Variants in ZNF804B observed in about 807,000 individuals in gnomAD.
The protein encoded by ZNF804B is zinc finger protein 804B.
In ZNF804B, 80 loss-of-function variants were observed where a neutral mutation model predicts 101.4. The observed-to-expected ratio is 0.79, with a 90% CI of 0.66 to 0.95. The LOEUF (loss-of-function observed/expected upper bound fraction) is 0.95. Among genes scored for constraint, ZNF804B ranks in the 40% least tolerant of loss-of-function variants. The pLI is 0.00. For synonymous variants in ZNF804B, 622 were observed against 558.8 expected (o/e 1.11, Z -1.59); for missense variants, 1,673 against 1,561.9 (o/e 1.07, Z -1.20).
intron 1 of ZNF804B, among the ~76,000 whole-genome samples, chr7:88,962,303 A>T (rs1283941517): frequency 1.3e-5 from 2 of 151,366 alleles, no homozygotes; most frequent in South Asian, 2.1e-4. Flanking sequence ...ATACCATCTA[A>T]TTCTACAGTT....
intron 1 of ZNF804B, among the ~76,000 whole-genome samples, chr7:89,109,595 C>T (rs112182269): frequency 2.1e-4 from 32 of 152,180 alleles, no homozygotes; most frequent in African/African-American, 7.5e-4. Context: ...CTTTCACAGA[C>T]TCTCATTCCC....
rs536160736 is a variant in ZNF804B at position 89,150,436 on chromosome 7, G to T, written c.109-67719G>T. On this transcript the variant is annotated intron_variant, in intron 1 of 3. Transcript: ENST00000333190. ...CTAGTGAGTGCACTTAGAGAGAAAA[G>T]CATTGTCTTGTTAGAAAAAGCATGG... Among the ~76,000 whole-genome samples, 22 of 152,188 alleles carry T rather than the reference G, an allele frequency of 1.4e-4. No individual in the cohort carries two copies. The East Asian group carries it at 4.3e-3, about 29-fold the overall frequency.
chr7:88,884,727 A>G (rs1792098200), intron 1 of ZNF804B, among the ~76,000 whole-genome samples: 1 of 151,900 alleles, frequency 6.6e-6, no homozygotes, highest in African/African-American at 2.4e-5. Context: ...TTGCATTGTA[A>G]TTTAACATGT....
At chr7:88,954,111 A>C (rs1263254355) in intron 1 of ZNF804B, among the ~76,000 whole-genome samples, 1 of 151,752 alleles carries the variant, frequency 6.6e-6, no homozygotes, top group African/African-American at 2.4e-5. Context: ...TGGTTTAAAC[A>C]CTCATAAGGA....
At chr7:89,024,082 C>T (rs1437971329) in intron 1 of ZNF804B, among the ~76,000 whole-genome samples, 2 of 152,078 alleles carry the variant, frequency 1.3e-5, no homozygotes, top group Non-Finnish European at 2.9e-5. Context: ...CAGTGAAGAC[C>T]TCACTGCCAA....
chr7:88,990,030 TA>T (rs1303263727), intron 1 of ZNF804B, among the ~76,000 whole-genome samples: 1 of 151,996 alleles, frequency 6.6e-6, no homozygotes, highest in Non-Finnish European at 1.5e-5. Context: ...AAAAAGAATA[TA>T]AATCACCTAT....
At chr7:89,296,379 T>C (rs1028025016) in intron 2 of ZNF804B, among the ~76,000 whole-genome samples, 27 of 152,056 alleles carry the variant, frequency 1.8e-4, no homozygotes, top group African/African-American at 6.0e-4. Context: ...TGAAGCTTTC[T>C]GCTTGGCTAT....
chr7:89,052,881 C>T (rs907458463), intron 1 of ZNF804B, among the ~76,000 whole-genome samples: 1 of 152,174 alleles, frequency 6.6e-6, no homozygotes, highest in Non-Finnish European at 1.5e-5. Context: ...ACCCTTTGGT[C>T]ATCCATGTTT....
At chr7:88,867,795 A>G (rs538931746) in intron 1 of ZNF804B, among the ~76,000 whole-genome samples, 2 of 152,304 alleles carry the variant, frequency 1.3e-5, no homozygotes, top group Admixed American at 6.5e-5. Context: ...AATACTCAGA[A>G]TAACCATATG....
chr7:88,771,326 A>G (rs1187889892), intron 1 of ZNF804B, among the ~76,000 whole-genome samples: 1 of 152,142 alleles, frequency 6.6e-6, no homozygotes, highest in Non-Finnish European at 1.5e-5. Flanking sequence ...AGTGGCATAT[A>G]AATGGAAACT....
intron 1 of ZNF804B, among the ~76,000 whole-genome samples, chr7:88,844,724 T>G (rs543063540): frequency 6.6e-6 from 1 of 152,312 alleles, no homozygotes; most frequent in Non-Finnish European, 1.5e-5. Context: ...GTCTGAATCT[T>G]GCTGTGAAAA....
intron 1 of ZNF804B, among the ~76,000 whole-genome samples, chr7:88,924,259 A>G (rs1411158186): frequency 1.3e-5 from 2 of 152,116 alleles, no homozygotes; most frequent in Non-Finnish European, 2.9e-5. Flanking sequence ...CTTTTTGACT[A>G]ATCTGATTGG....
At chr7:89,279,622 G>T (rs1448741397) in intron 2 of ZNF804B, among the ~76,000 whole-genome samples, 1 of 152,122 alleles carries the variant, frequency 6.6e-6, no homozygotes, top group Non-Finnish European at 1.5e-5. Flanking sequence ...TGTGGTTTTT[G>T]TCATTGGTTC....
intron 1 of ZNF804B, among the ~76,000 whole-genome samples, chr7:89,136,723 TTGTGTGTGTGTGAGTGTGTGTGTG>T (rs1244258608): frequency 7.2e-6 from 1 of 139,310 alleles, no homozygotes; most frequent in Non-Finnish European, 1.5e-5. Context: ...TGAATTATAT[TTGTGTGTGTGTGAGTGTGTGTGTG>T]TGTGTGTGTG....
intron 1 of ZNF804B, among the ~76,000 whole-genome samples, chr7:89,075,052 TG>T (rs1789595071): frequency 6.6e-6 from 1 of 152,130 alleles, no homozygotes; most frequent in Non-Finnish European, 1.5e-5. Flanking sequence ...ATAGGTGACT[TG>T]GGTACTGTTA....
At chr7:88,839,642 C>T (rs1791267134) in intron 1 of ZNF804B, among the ~76,000 whole-genome samples, 1 of 151,918 alleles carries the variant, frequency 6.6e-6, no homozygotes, top group African/African-American at 2.4e-5. Context: ...GATTCTGCAA[C>T]AGTTGAGACA....
At position 89,014,799 on chromosome 7, in the gene ZNF804B, A is replaced by G. The variant is rs115342362; in HGVS notation, c.109-203356A>G. On this transcript the variant is annotated intron_variant, in intron 1 of 3. Coordinates refer to ENST00000333190, the MANE Select transcript of ZNF804B (RefSeq NM_181646.5). ...TTGCAAACATTTTCTCCCATTTCAT[A>G]GGTTGGCTTTCCACTCTGTTAATTG... Among the ~76,000 whole-genome samples the G allele has an allele frequency of 7.8e-3, 1,189 of 152,244 alleles. 20 individuals are homozygous for G. The highest frequency in any genetic ancestry group is 0.027 in the African/African-American group (1,131 of 41,508).
chr7:89,067,691 G>A (rs1789473700), intron 1 of ZNF804B, among the ~76,000 whole-genome samples: 1 of 152,098 alleles, frequency 6.6e-6, no homozygotes, highest in South Asian at 2.1e-4. Context: ...TTTACAAAGG[G>A]AAGCAGGTCA....
chr7:89,033,213 ATG>A (rs1486855565), intron 1 of ZNF804B, among the ~76,000 whole-genome samples: 1 of 152,100 alleles, frequency 6.6e-6, no homozygotes, highest in Non-Finnish European at 1.5e-5. Flanking sequence ...AAATGAGATC[ATG>A]TGGTATTTGT....
Sources: gnomAD v4.1 joint callset for allele counts (sites outside exome capture counted in the v4.1 genomes callset) on GRCh38, gnomAD v4.1.1 for gene constraint, MANE v1.5 for transcripts, NCBI Gene and HGNC (gene_info 2026-07-23, HGNC 2026-07-21) for gene names.